Variants in SCO1 observed in about 807,000 individuals in gnomAD.
SCO1 encodes synthesis of cytochrome C oxidase 1.
Under a neutral mutation model 34.0 loss-of-function variants are expected in SCO1, and 23 were observed. The ratio of observed to expected loss-of-function variants is 0.68; its 90% CI spans 0.49 to 0.96. The LOEUF (loss-of-function observed/expected upper bound fraction) is 0.96. Among genes scored for constraint, SCO1 ranks in the 40% least tolerant of loss-of-function variants. The pLI is 0.00. For missense variants in SCO1, 404 were observed against 381.6 expected (o/e 1.06, Z -0.49); for synonymous variants, 161 against 145.5 (o/e 1.11, Z -0.77).
In SCO1 at chr17:10,679,733, G is replaced by T. The variant is rs959261481; in HGVS notation, c.*1386C>A. ...TTCTTCAATGGCTGACACACCAAAAGAAGGGTCAAATTTATTTATTTTTAA... is the reference window on the plus strand; with the variant it reads ...TTCTTCAATGGCTGACACACCAAAATAAGGGTCAAATTTATTTATTTTTAA... On this transcript the variant is annotated 3_prime_UTR_variant, in exon 6 of 6. Transcript: ENST00000255390. The T allele has an allele frequency of 4.0e-5, 6 of 151,344 alleles. No homozygotes were observed. Among genetic ancestry groups the T allele is most frequent in the Non-Finnish European group, 7.3e-5 (5 of 68,036 alleles). The allele number at this position is 151,344 out of a possible 1,614,324, so 9.4% of individuals were successfully genotyped here.
chr17:10,680,207 G>C lies in SCO1; in HGVS notation c.*912C>G, dbSNP rs531776267. The C allele has an allele frequency of 6.6e-6, 1 of 152,426 alleles. No homozygotes were observed. Among genetic ancestry groups the C allele is most frequent in the African/African-American group, 2.4e-5 (1 of 41,552 alleles). 9.4% of individuals were successfully genotyped at this position (152,426 alleles called of 1,614,324 possible). A position where few individuals can be genotyped will look rare whatever the true frequency, so the allele number is the denominator to read the frequency against. On this transcript the variant is annotated 3_prime_UTR_variant, in exon 6 of 6. Transcript: ENST00000255390. ...TGCAGATTCAGTGAATTCAGCTCTG[G>C]GTCTGGGGAACTGCACTTCAGCAAG...
intron 5 of SCO1, 81 bp from the exon 6 acceptor site, chr17:10,681,334 G>A (rs1597505631): frequency 1.4e-6 from 2 of 1,447,532 alleles, no homozygotes; most frequent in Non-Finnish European, 1.9e-6. Flanking sequence ...TGCAAGATAA[G>A]AGAACTTTAC....
chr17:10,675,810 C>T lies in SCO1; in HGVS notation c.*5309G>A, dbSNP rs992256166. On this transcript the variant is annotated 3_prime_UTR_variant, in exon 6 of 6. Coordinates refer to ENST00000255390, the MANE Select transcript of SCO1 (RefSeq NM_004589.4). ...CTGGTCCAACCTGAATAACGCCACC[C>T]TATGTTTAAGAATGGGAAGAGAGGC... 6.6e-6 allele frequency: 1 copy of T among 152,230 alleles called. No homozygotes were observed. Among genetic ancestry groups the T allele is most frequent in the African/African-American group, 2.4e-5 (1 of 41,538 alleles). The allele number at this position is 152,230 out of a possible 1,614,324, so 9.4% of individuals were successfully genotyped here.
rs556454540 is a variant in SCO1, at chr17:10,674,921, G to T, written c.*6198C>A. On this transcript the variant is annotated 3_prime_UTR_variant, in exon 6 of 6. Transcript: ENST00000255390. ...GGCTTACTCCATCAAAATGCAGTGA[G>T]CATCATCAGAGTGGTCCGGAGCTTG... is the stretch of plus-strand genomic sequence containing the variant. 6.6e-6 allele frequency: 1 copy of T among 152,258 alleles called. No homozygotes were observed. The highest frequency in any genetic ancestry group is 1.5e-5 in the Non-Finnish European group (1 of 68,082). 9.4% of individuals were successfully genotyped at this position (152,258 alleles called of 1,614,324 possible). A position where few individuals can be genotyped will look rare whatever the true frequency, so the allele number is the denominator to read the frequency against.
chr17:10,685,159 C>A (rs2074647566), intron 5 of SCO1, among the ~76,000 whole-genome samples: 1 of 152,170 alleles, frequency 6.6e-6, no homozygotes, highest in Non-Finnish European at 1.5e-5. Flanking sequence ...GTGAGACATC[C>A]CATCCCCTCT....
rs1463543294 is a variant in SCO1 at position 10,691,952 on chromosome 17, G to A, written c.575C>T (p.Thr192Ile). The change falls in exon 4 of 6, where the codon ACT becomes ATT. Residue 192 changes from threonine (T) to isoleucine (I), a missense_variant. Physicochemically the swap from Thr to Ile is moderately conservative, Grantham distance 89. Transcript: ENST00000255390. ...GAAAAGTGGAGTTAGATCTGGCAGA[G>A]TTGTAATGCTATCTGAAAGAGAGTT... ...QVVDEIDSIT[T>I]LPDLTPLFIS... The A allele has an allele frequency of 6.2e-7, 1 of 1,611,788 alleles. No individual in the cohort carries two copies. The highest frequency in any genetic ancestry group is 1.7e-5 in the Admixed American group (1 of 60,016).
rs2074691126 is a variant in SCO1, at chr17:10,691,798, T to C, written c.655+74A>G. On this transcript the variant is annotated intron_variant, in intron 4 of 5. Transcript: ENST00000255390. ...CCATTTGTCCTATTTCACAAGGCAC[T>C]GTAAGGTTCAAATGAACTGATATTC... 7.4e-5 allele frequency: 67 copies of C among 909,504 alleles called. 1 individual carries two copies. The South Asian group carries it at 8.6e-4, about 12-fold the overall frequency. 56.3% of individuals were successfully genotyped at this position (909,504 alleles called of 1,614,324 possible). A position where few individuals can be genotyped will look rare whatever the true frequency, so the allele number is the denominator to read the frequency against.
At chr17:10,681,453 T>C (rs975381824) in intron 5 of SCO1, among the ~76,000 whole-genome samples, 200 bp from the exon 6 acceptor site, 2 of 152,230 alleles carry the variant, frequency 1.3e-5, no homozygotes, top group African/African-American at 2.4e-5. Context: ...GTCCTAAACA[T>C]CTGCACTGGT....
At chr17:10,693,372 T>G (rs1188588197) in intron 2 of SCO1, among the ~76,000 whole-genome samples, 1 of 151,904 alleles carries the variant, frequency 6.6e-6, no homozygotes, top group East Asian at 1.9e-4. Flanking sequence ...GAGGTGATAG[T>G]GGTGACGGGA....
In SCO1 at chr17:10,672,581, C is replaced by A. The variant is rs1224823190; in HGVS notation, c.*8538G>T. 4 of 152,234 alleles carry A rather than the reference C, an allele frequency of 2.6e-5. No individual in the cohort carries two copies. The highest frequency in any genetic ancestry group is 9.6e-5 in the African/African-American group (4 of 41,472). 9.4% of individuals were successfully genotyped at this position (152,234 alleles called of 1,614,324 possible). ...GTATGCAGTTGTGCAGCGACCACTA[C>A]CAAGACACAGATCATTTTTACCACT... On this transcript the variant is annotated 3_prime_UTR_variant, in exon 6 of 6. Transcript: ENST00000255390.
chr17:10,694,711 TAA>T (rs2074711329), intron 2 of SCO1, among the ~76,000 whole-genome samples: 1 of 151,966 alleles, frequency 6.6e-6, no homozygotes, highest in Non-Finnish European at 1.5e-5. Context: ...AATTCCAAAC[TAA>T]AGTCAAAAAA....
In SCO1 at chr17:10,684,335, G is replaced by C. The variant is rs913288190; in HGVS notation, c.771+2392C>G. 1.5e-4 allele frequency among the ~76,000 whole-genome samples: 23 copies of C among 152,230 alleles called. 1 individual carries two copies. The highest frequency in any genetic ancestry group is 1.2e-3 in the Admixed American group (19 of 15,288). On this transcript the variant is annotated intron_variant, in intron 5 of 5. Coordinates refer to ENST00000255390, the MANE Select transcript of SCO1 (RefSeq NM_004589.4). ...TAGCTGCCCACTGCTGTTACAGGCA[G>C]ACATGAATATGATACATTCTTGCCA...
chr17:10,689,319 A>C (rs574470970), intron 4 of SCO1, among the ~76,000 whole-genome samples: 1 of 152,218 alleles, frequency 6.6e-6, no homozygotes, highest in Non-Finnish European at 1.5e-5. Context: ...TTATACCTTA[A>C]TAAATGTGTT....
rs939782471 is a variant in SCO1, at chr17:10,677,778, C to T, written c.*3341G>A. 5.9e-5 allele frequency: 9 copies of T among 152,184 alleles called. No homozygotes were observed. Among genetic ancestry groups the T allele is most frequent in the African/African-American group, 2.2e-4 (9 of 41,440 alleles). The allele number at this position is 152,184 out of a possible 1,614,324, so 9.4% of individuals were successfully genotyped here. ...TCTATTGAAGAGTCTAGTGAAAACA[C>T]TGTAACCCACCCAGGTAAAGATTTG... On this transcript the variant is annotated 3_prime_UTR_variant, in exon 6 of 6. Transcript: ENST00000255390.
intron 4 of SCO1, among the ~76,000 whole-genome samples, chr17:10,688,256 C>T (rs2106400): frequency 0.51 from 76,869 of 152,000 alleles, 20,207 homozygotes; most frequent in African/African-American, 0.65. Context: ...GCAAATCACA[C>T]ACCTAACTTG....
intron 2 of SCO1, among the ~76,000 whole-genome samples, chr17:10,694,560 T>C (rs1438965146): frequency 6.6e-6 from 1 of 152,230 alleles, no homozygotes; most frequent in African/African-American, 2.4e-5. Context: ...GGTCCTTGTT[T>C]GTAGGAAATA....
chr17:10,696,320 C>T (rs1156474941), intron 1 of SCO1, among the ~76,000 whole-genome samples: 1 of 152,066 alleles, frequency 6.6e-6, no homozygotes, highest in African/African-American at 2.4e-5. Flanking sequence ...TAGCGGACCC[C>T]TCTAAACCCA....
rs753607085 is a variant in SCO1 at position 10,697,237 on chromosome 17, C to T, written c.271G>A (p.Gly91Arg). Residue 91 changes from glycine (G) to arginine (R), a missense_variant and splice_region_variant, in exon 1 of 6, where the codon GGG becomes AGG. Transcript: ENST00000255390. Reference protein sequence around the residue: ...PGDSTRPSKPGPVSWKSLAIT... With the variant: ...PGDSTRPSKPRPVSWKSLAIT... Reference sequence around the variant, plus strand: ...AAGGGTTCCAGGTGTGCACTCACCCCGGGCTTCGAGGGGCGCGTGGAGTCT... The same window carrying T: ...AAGGGTTCCAGGTGTGCACTCACCCTGGGCTTCGAGGGGCGCGTGGAGTCT... 37 of 1,553,096 alleles carry T rather than the reference C, an allele frequency of 2.4e-5. No individual in the cohort carries two copies. Among genetic ancestry groups the T allele is most frequent in the Non-Finnish European group, 2.9e-5 (33 of 1,149,248 alleles).
At position 10,673,000 on chromosome 17, in the gene SCO1, T is replaced by A. The variant is rs1339343242; in HGVS notation, c.*8119A>T. ...GTCTAAAAGCTGCCCTAATTTTTCT[T>A]TTTTTTCTTTTTTTTTTTTTTTGAG... On this transcript the variant is annotated 3_prime_UTR_variant, in exon 6 of 6. Transcript: ENST00000255390. 1 of 27,400 alleles carries A rather than the reference T, an allele frequency of 3.6e-5. No individual in the cohort carries two copies. The highest frequency in any genetic ancestry group is 5.9e-5 in the Non-Finnish European group (1 of 16,876). 1.7% of individuals were successfully genotyped at this position (27,400 alleles called of 1,614,324 possible). A position where few individuals can be genotyped will look rare whatever the true frequency, so the allele number is the denominator to read the frequency against.
Sources: gnomAD v4.1 joint callset for allele counts (sites outside exome capture counted in the v4.1 genomes callset) on GRCh38, gnomAD v4.1.1 for gene constraint, MANE v1.5 for transcripts, NCBI Gene and HGNC (gene_info 2026-07-23, HGNC 2026-07-21) for gene names.